Variants in IKZF1 observed in about 807,000 individuals in gnomAD.
The protein encoded by IKZF1 is DNA-binding protein Ikaros.
In IKZF1, 10 loss-of-function variants were observed where a neutral mutation model predicts 51.7. That is an observed-to-expected ratio of 0.19 (90% CI 0.12 to 0.33). The LOEUF is 0.33. IKZF1 is among the 10% of genes least tolerant of loss of function. The pLI, the probability that IKZF1 is intolerant of heterozygous loss-of-function variation, is 1.00. For missense variants in IKZF1, 484 were observed against 707.5 expected (o/e 0.68, Z 3.58); for synonymous variants, 280 against 282.3 (o/e 0.99, Z 0.08).
At chr7:50,359,649 T>A (rs1804627236) in intron 3 of IKZF1, among the ~76,000 whole-genome samples, 1 of 152,258 alleles carries the variant, frequency 6.6e-6, no homozygotes, top group East Asian at 1.9e-4. Flanking sequence ...TACATACACA[T>A]GTACACACGT....
intron 1 of IKZF1, among the ~76,000 whole-genome samples, chr7:50,311,044 TG>T (rs1314839454): frequency 1.3e-5 from 2 of 152,216 alleles, no homozygotes; most frequent in African/African-American, 4.8e-5. Context: ...ATAGTTATTA[TG>T]AAAAAAATCT....
intron 1 of IKZF1, among the ~76,000 whole-genome samples, chr7:50,316,659 G>A (rs1272041041): frequency 3.3e-5 from 5 of 152,234 alleles, no homozygotes; most frequent in African/African-American, 9.6e-5. Flanking sequence ...GGGACCAGCC[G>A]AGGGCAGTTT....
chr7:50,359,597 A>G (rs1303860887), intron 3 of IKZF1, among the ~76,000 whole-genome samples: 3 of 152,232 alleles, frequency 2.0e-5, no homozygotes, highest in East Asian at 3.9e-4. Flanking sequence ...CTTTTTAAAT[A>G]TATGTGTAGA....
intron 1 of IKZF1, among the ~76,000 whole-genome samples, chr7:50,305,824 A>G (rs1788638170): frequency 6.6e-6 from 1 of 152,194 alleles, no homozygotes; most frequent in South Asian, 2.1e-4. Context: ...AATTTATGGA[A>G]TTTGAAAATA....
At chr7:50,328,221 C>G (rs1377467091) in intron 3 of IKZF1, 1 of 152,698 alleles carries the variant, frequency 6.5e-6, no homozygotes, top group African/African-American at 2.4e-5. Context: ...TAGAAAGTTT[C>G]ATAAATGGTA....
chr7:50,382,437 G>A, intron 4 of IKZF1, 103 bp from the exon 5 acceptor site: 1 of 1,437,614 alleles, frequency 7.0e-7, no homozygotes, highest in Non-Finnish European at 9.2e-7. Context: ...CCTGCAGCCG[G>A]TGGAAGTCAC....
At chr7:50,307,655 C>T (rs929106875) in intron 1 of IKZF1, among the ~76,000 whole-genome samples, 8 of 152,186 alleles carry the variant, frequency 5.3e-5, no homozygotes, top group Non-Finnish European at 1.0e-4. Context: ...GTGACCCATC[C>T]TTTGAAGCTT....
intron 3 of IKZF1, chr7:50,328,652 C>A (rs1584514521): frequency 6.6e-6 from 1 of 152,102 alleles, no homozygotes; most frequent in Non-Finnish European, 1.5e-5. Context: ...TACATAAGCC[C>A]CCATAGCCAA....
Position 50,404,517 on chromosome 7 carries a change from A to G in IKZF1, c.*3890A>G, listed in dbSNP as rs572723602. On this transcript the variant is annotated 3_prime_UTR_variant, in exon 8 of 8. Coordinates refer to ENST00000331340, the MANE Select transcript of IKZF1 (RefSeq NM_006060.6). ...AGGAATCTGCCTAGACTTTCTCCCA[A>G]TGAGATCCCAATATGAGAGGGAGAA... The G allele has an allele frequency of 1.1e-4, 26 of 229,534 alleles. No homozygotes were observed. Among genetic ancestry groups the G allele is most frequent in the Non-Finnish European group, 1.5e-4 (17 of 115,652 alleles). 14.2% of individuals were successfully genotyped at this position (229,534 alleles called of 1,614,324 possible). A position where few individuals can be genotyped will look rare whatever the true frequency, so the allele number is the denominator to read the frequency against.
chr7:50,384,696 C>G (rs1359720004), intron 5 of IKZF1, among the ~76,000 whole-genome samples: 1 of 152,264 alleles, frequency 6.6e-6, no homozygotes, highest in Non-Finnish European at 1.5e-5. Context: ...GCTAAGAGAA[C>G]TGTGCAGTCT....
intron 3 of IKZF1, among the ~76,000 whole-genome samples, chr7:50,365,714 G>T (rs1261636951): frequency 6.6e-6 from 1 of 152,202 alleles, no homozygotes; most frequent in African/African-American, 2.4e-5. Context: ...CCATGTGGAA[G>T]ACAGTGTGGC....
At chr7:50,303,616 C>G (rs773569697), upstream of IKZF1, among the ~76,000 whole-genome samples, 1 of 152,074 alleles carries the variant, frequency 6.6e-6, no homozygotes. This position sits in a 1 kb window ranked among gnomAD's most constrained non-coding sequence, Gnocchi z 4.7. Flanking sequence ...CCCACCCCCT[C>G]GGGTGGGCAC....
chr7:50,330,625 G>A (rs1021171580), intron 3 of IKZF1, among the ~76,000 whole-genome samples: 2 of 152,218 alleles, frequency 1.3e-5, no homozygotes, highest in African/African-American at 4.8e-5. Context: ...GCTTTCATAT[G>A]TGGTGACAGG....
At chr7:50,392,871 G>A (rs1157659542) in intron 7 of IKZF1, among the ~76,000 whole-genome samples, 2 of 152,096 alleles carry the variant, frequency 1.3e-5, no homozygotes, top group Non-Finnish European at 1.5e-5. Flanking sequence ...GTTGGAGTGG[G>A]GGCCTAAGGA....
chr7:50,379,836 A>G (rs767358293), intron 4 of IKZF1, among the ~76,000 whole-genome samples: 5 of 152,222 alleles, frequency 3.3e-5, no homozygotes, highest in Non-Finnish European at 7.3e-5. Context: ...CATAGTATCC[A>G]TGAAGACTTC....
At chr7:50,393,680 A>C (rs940853984) in intron 7 of IKZF1, among the ~76,000 whole-genome samples, 8 of 152,192 alleles carry the variant, frequency 5.3e-5, no homozygotes, top group African/African-American at 1.9e-4. Flanking sequence ...GCCTTCCTGA[A>C]CGGAGTAGGA....
intron 1 of IKZF1, among the ~76,000 whole-genome samples, chr7:50,316,732 A>G (rs1451750024): frequency 1.3e-5 from 2 of 152,248 alleles, no homozygotes; most frequent in Non-Finnish European, 2.9e-5. Context: ...GTGTGTCCAG[A>G]GGACTTAGCA....
At chr7:50,377,057 C>T (rs1187070535) in intron 4 of IKZF1, 3 of 521,434 alleles carry the variant, frequency 5.8e-6, no homozygotes, top group African/African-American at 1.9e-5. Flanking sequence ...AGAGGCTTGG[C>T]GAGGGCTGCT....
chr7:50,336,162 G>T (rs1417095658), intron 3 of IKZF1, among the ~76,000 whole-genome samples: 1 of 152,160 alleles, frequency 6.6e-6, no homozygotes, highest in Non-Finnish European at 1.5e-5. Context: ...CCGTGGCCAG[G>T]CTGGGTCCCC....
Sources: gnomAD v4.1 joint callset for allele counts (sites outside exome capture counted in the v4.1 genomes callset) on GRCh38, gnomAD v4.1.1 for gene constraint, Gnocchi (gnomAD v3.1) non-coding constraint, MANE v1.5 for transcripts, NCBI Gene and HGNC (gene_info 2026-07-23, HGNC 2026-07-21) for gene names.